Variants in PDZRN4 observed in about 807,000 individuals in gnomAD.
PDZRN4 encodes PDZ domain containing ring finger 4.
A neutral mutation model predicts 99.0 loss-of-function variants in PDZRN4; 70 were observed. The observed-to-expected ratio is 0.71, with a 90% CI of 0.58 to 0.86. The LOEUF is 0.86. Among genes scored for constraint, PDZRN4 ranks in the 40% least tolerant of loss-of-function variants. PDZRN4 has a pLI of 0.00. For synonymous variants in PDZRN4, 551 were observed against 501.6 expected, an observed-to-expected ratio of 1.10 and a Z score of -1.32; for missense variants, 1,474 against 1,331.2, an observed-to-expected ratio of 1.11 and a Z score of -1.67.
intron 3 of PDZRN4, chr12:41,413,154 G>A (rs1952412881): frequency 6.6e-6 from 1 of 151,890 alleles, no homozygotes; most frequent in African/African-American, 2.4e-5. Flanking sequence ...GGAAAATGTG[G>A]TATACATACA....
At chr12:41,388,121 G>T (rs1056019486) in intron 3 of PDZRN4, among the ~76,000 whole-genome samples, 1 of 152,102 alleles carries the variant, frequency 6.6e-6, no homozygotes, top group African/African-American at 2.4e-5. Context: ...TCCTTTGCAG[G>T]GATATGGGTG....
chr12:41,408,611 G>T (rs923948981), intron 3 of PDZRN4, among the ~76,000 whole-genome samples: 3 of 152,198 alleles, frequency 2.0e-5, no homozygotes, highest in Non-Finnish European at 4.4e-5. Context: ...CTTACAACTG[G>T]AGGTCTGCTG....
chr12:41,311,317 G>A (rs1374175140), intron 3 of PDZRN4, among the ~76,000 whole-genome samples: 1 of 152,016 alleles, frequency 6.6e-6, no homozygotes, highest in Non-Finnish European at 1.5e-5. Flanking sequence ...TCTTATGTGG[G>A]GGAAATTATG....
At chr12:41,345,918 A>G (rs1951850199) in intron 3 of PDZRN4, among the ~76,000 whole-genome samples, 1 of 152,106 alleles carries the variant, frequency 6.6e-6, no homozygotes, top group Admixed American at 6.6e-5. Context: ...CTGATAATAT[A>G]TTACATGTAT....
intron 3 of PDZRN4, among the ~76,000 whole-genome samples, chr12:41,288,008 A>T (rs1323806632): frequency 6.6e-6 from 1 of 152,200 alleles, no homozygotes; most frequent in Non-Finnish European, 1.5e-5. Context: ...GCATGTTAAC[A>T]GCTGTCAGCA....
intron 5 of PDZRN4, among the ~76,000 whole-genome samples, chr12:41,532,997 C>T (rs1324000937): frequency 6.6e-6 from 1 of 151,992 alleles, no homozygotes; most frequent in East Asian, 1.9e-4. Flanking sequence ...TCATATTGTT[C>T]AAATCATCTA....
intron 3 of PDZRN4, among the ~76,000 whole-genome samples, chr12:41,323,516 G>C (rs1406378600): frequency 6.6e-6 from 1 of 152,036 alleles, no homozygotes; most frequent in Non-Finnish European, 1.5e-5. Flanking sequence ...ATTTTTGCCA[G>C]ATGAAGAGAT....
intron 5 of PDZRN4, among the ~76,000 whole-genome samples, chr12:41,523,611 C>T (rs1040456142): frequency 6.6e-6 from 1 of 152,056 alleles, no homozygotes; most frequent in Admixed American, 6.6e-5. Flanking sequence ...CACTGCTCTC[C>T]TGGAGTTTGT....
chr12:41,429,476 T>C (rs1952567147), intron 3 of PDZRN4, among the ~76,000 whole-genome samples: 1 of 152,162 alleles, frequency 6.6e-6, no homozygotes, highest in South Asian at 2.1e-4. Context: ...ACGATTCCAG[T>C]CCTTGGGGAA....
chr12:41,439,341 T>C (rs1565583034), intron 3 of PDZRN4, among the ~76,000 whole-genome samples: 2 of 152,326 alleles, frequency 1.3e-5, no homozygotes. Context: ...AAACAGTCTC[T>C]AGGTGGAACA....
intron 3 of PDZRN4, among the ~76,000 whole-genome samples, chr12:41,233,783 T>G (rs1246517244): frequency 6.6e-6 from 1 of 151,028 alleles, no homozygotes; most frequent in Admixed American, 6.6e-5. Context: ...CACCCAGGAC[T>G]GTTGTGTGGT....
At chr12:41,434,223 T>C (rs1294405433) in intron 3 of PDZRN4, among the ~76,000 whole-genome samples, 1 of 151,782 alleles carries the variant, frequency 6.6e-6, no homozygotes, top group Non-Finnish European at 1.5e-5. Flanking sequence ...CTATGTAGTG[T>C]TGCTCACAGT....
At chr12:41,559,602 G>A (rs546644044) in intron 7 of PDZRN4, among the ~76,000 whole-genome samples, 2 of 152,150 alleles carry the variant, frequency 1.3e-5, no homozygotes, top group African/African-American at 2.4e-5. Flanking sequence ...ACTCAATAAC[G>A]TTCCTAAGGA....
intron 3 of PDZRN4, among the ~76,000 whole-genome samples, chr12:41,319,729 G>A (rs1951661994): frequency 6.6e-6 from 1 of 152,112 alleles, no homozygotes; most frequent in Non-Finnish European, 1.5e-5. Flanking sequence ...TGTAACTGAG[G>A]TTGAAAGTCA....
At chr12:41,393,273 G>C (rs1472088486) in intron 3 of PDZRN4, among the ~76,000 whole-genome samples, 1 of 152,076 alleles carries the variant, frequency 6.6e-6, no homozygotes, top group South Asian at 2.1e-4. Context: ...ACTATAATTA[G>C]TCTGAGGCTA....
At chr12:41,331,744 A>G (rs536296614) in intron 3 of PDZRN4, among the ~76,000 whole-genome samples, 1 of 152,232 alleles carries the variant, frequency 6.6e-6, no homozygotes, top group South Asian at 2.1e-4. Context: ...ACTTACAATC[A>G]TGGTGAAAGG....
At chr12:41,336,082 T>C (rs1951771545) in intron 3 of PDZRN4, among the ~76,000 whole-genome samples, 1 of 152,102 alleles carries the variant, frequency 6.6e-6, no homozygotes, top group Non-Finnish European at 1.5e-5. Context: ...ATTTAACAAT[T>C]CTCATTCAAA....
At chr12:41,497,712 A>G (rs573739394) in intron 3 of PDZRN4, among the ~76,000 whole-genome samples, 59 of 152,298 alleles carry the variant, frequency 3.9e-4, no homozygotes, top group Non-Finnish European at 6.6e-4. Context: ...GATATTCAGT[A>G]GATGAATTAT....
At chr12:41,406,001 A>G (rs1179199301) in intron 3 of PDZRN4, among the ~76,000 whole-genome samples, 1 of 152,162 alleles carries the variant, frequency 6.6e-6, no homozygotes, top group African/African-American at 2.4e-5. Flanking sequence ...GTTGAGTACT[A>G]TGCTCACTAC....
Sources: gnomAD v4.1 joint callset for allele counts (sites outside exome capture counted in the v4.1 genomes callset) on GRCh38, gnomAD v4.1.1 for gene constraint, MANE v1.5 for transcripts, NCBI Gene and HGNC (gene_info 2026-07-23, HGNC 2026-07-21) for gene names.